DRC8: variants seen among roughly 807,000 people sequenced by gnomAD.
DRC8 encodes dynein regulatory complex subunit 8, also known as dynein regulatory complex protein 8.
chr1:245,090,459 C>CTGTTT, the DRC8 span, among the ~76,000 whole-genome samples: 1 of 151,756 alleles, frequency 6.6e-6, no homozygotes, highest in Non-Finnish European at 1.5e-5. Context: ...TTGACTGTTC[C>CTGTTT]CTGCGTTGCA....
chr1:245,013,840 G>A, the DRC8 span, among the ~76,000 whole-genome samples: 1 of 151,932 alleles, frequency 6.6e-6, no homozygotes, highest in Non-Finnish European at 1.5e-5. Context: ...AGACCAGTCT[G>A]ACCAATATGG....
chr1:245,024,246 G>A, the DRC8 span, among the ~76,000 whole-genome samples: 2 of 152,002 alleles, frequency 1.3e-5, no homozygotes, highest in East Asian at 3.9e-4. Flanking sequence ...ACTAATGGAC[G>A]TTTAAGTTGT....
At chr1:245,120,444 G>A in the DRC8 span, among the ~76,000 whole-genome samples, 1 of 152,172 alleles carries the variant, frequency 6.6e-6, no homozygotes, top group Admixed American at 6.5e-5. Flanking sequence ...TATGGAAGCA[G>A]TTTTCCATCT....
the DRC8 span, among the ~76,000 whole-genome samples, chr1:245,034,169 C>T: frequency 6.6e-6 from 1 of 152,298 alleles, no homozygotes; most frequent in Admixed American, 6.5e-5. Flanking sequence ...CTCTTCCATA[C>T]CTAAATCTGT....
chr1:245,032,645 C>T, the DRC8 span, among the ~76,000 whole-genome samples: 7 of 152,080 alleles, frequency 4.6e-5, no homozygotes, highest in South Asian at 2.1e-4. Flanking sequence ...AGTTCTGTAA[C>T]GCATACAACA....
At chr1:245,082,496 C>T in the DRC8 span, among the ~76,000 whole-genome samples, 1 of 152,064 alleles carries the variant, frequency 6.6e-6, no homozygotes, top group Non-Finnish European at 1.5e-5. Context: ...ATTAGCTTAC[C>T]ATAGTTGGTT....
chr1:245,087,675 G>A, the DRC8 span: 3 of 1,036,556 alleles, frequency 2.9e-6, no homozygotes, highest in African/African-American at 1.7e-5. Flanking sequence ...AAATGAAAAT[G>A]ACTTAATTAC....
chr1:245,088,141 G>A, the DRC8 span, among the ~76,000 whole-genome samples: 1 of 152,180 alleles, frequency 6.6e-6, no homozygotes, highest in Non-Finnish European at 1.5e-5. This position sits in a 1 kb window ranked among gnomAD's most constrained non-coding sequence, Gnocchi z 4.6. Context: ...AGAGCAGAAT[G>A]AAGCACAAGC....
At chr1:245,077,286 CT>C in the DRC8 span, among the ~76,000 whole-genome samples, 1 of 151,978 alleles carries the variant, frequency 6.6e-6, no homozygotes, top group East Asian at 1.9e-4. Flanking sequence ...TCTTCTTGTT[CT>C]TTTTTATGAC....
the DRC8 span, among the ~76,000 whole-genome samples, chr1:245,025,863 T>G: frequency 6.6e-6 from 1 of 152,212 alleles, no homozygotes; most frequent in South Asian, 2.1e-4. Context: ...ACGGTCTCTT[T>G]CCTGCCGCCA....
the DRC8 span, chr1:245,083,963 GA>G: frequency 3.8e-6 from 1 of 263,328 alleles, no homozygotes; most frequent in East Asian, 8.2e-5. Flanking sequence ...AGCATTTCCA[GA>G]ATAAAAGATA....
chr1:245,030,184 A>G, the DRC8 span, among the ~76,000 whole-genome samples: 1 of 152,234 alleles, frequency 6.6e-6, no homozygotes, highest in East Asian at 1.9e-4. Flanking sequence ...TGAAATATAG[A>G]ATGGACACAA....
the DRC8 span, among the ~76,000 whole-genome samples, chr1:245,097,084 G>A: frequency 3.7e-4 from 56 of 152,280 alleles, no homozygotes; most frequent in Admixed American, 2.0e-3. This position sits in a 1 kb window ranked among gnomAD's most constrained non-coding sequence, Gnocchi z 5.0. Context: ...TTGGGTACAG[G>A]TATTTATAGG....
At chr1:245,085,651 AAG>A in the DRC8 span, among the ~76,000 whole-genome samples, 1 of 152,118 alleles carries the variant, frequency 6.6e-6, no homozygotes, top group African/African-American at 2.4e-5. Flanking sequence ...GGCGATGGAG[AAG>A]TATTACAGGC....
chr1:244,982,041 C>G, the DRC8 span, among the ~76,000 whole-genome samples: 3 of 152,296 alleles, frequency 2.0e-5, no homozygotes, highest in African/African-American at 7.2e-5. Context: ...AGGAATACAA[C>G]TCAGACCAAC....
At chr1:245,119,055 CCT>C in the DRC8 span, among the ~76,000 whole-genome samples, 1 of 152,108 alleles carries the variant, frequency 6.6e-6, no homozygotes, top group East Asian at 1.9e-4. Context: ...CCAACCCATG[CCT>C]CTGGCTGTTA....
the DRC8 span, chr1:245,086,741 G>A: frequency 3.2e-5 from 17 of 533,256 alleles, no homozygotes; most frequent in Middle Eastern, 3.2e-4. Context: ...AGGTGGTGTC[G>A]TTATCACCCC....
the DRC8 span, among the ~76,000 whole-genome samples, chr1:245,116,492 G>A: frequency 6.6e-6 from 1 of 152,130 alleles, no homozygotes; most frequent in East Asian, 1.9e-4. Context: ...GGAAGTTTCG[G>A]GTGGAGCTGG....
chr1:245,001,480 A>C, the DRC8 span, among the ~76,000 whole-genome samples: 1 of 152,156 alleles, frequency 6.6e-6, no homozygotes, highest in African/African-American at 2.4e-5. Context: ...CAGAGCTTAT[A>C]GATCTATATT....
Sources: gnomAD v4.1 joint callset for allele counts (sites outside exome capture counted in the v4.1 genomes callset) on GRCh38, gnomAD v4.1.1 for gene constraint, Gnocchi (gnomAD v3.1) non-coding constraint, MANE v1.5 for transcripts, NCBI Gene and HGNC (gene_info 2026-07-23, HGNC 2026-07-21) for gene names.